CIB4: variants seen among roughly 807,000 people sequenced by gnomAD.
CIB4 encodes calcium and integrin binding family member 4.
In CIB4, 25 loss-of-function variants were observed where a neutral mutation model predicts 25.8. That is an observed-to-expected ratio of 0.97 (90% CI 0.71 to 1.35). The LOEUF (loss-of-function observed/expected upper bound fraction) is 1.35, where lower values mean the gene tolerates loss of function less well. Ranked by LOEUF, CIB4 falls within the 40% of genes most tolerant of loss-of-function variation. The pLI, the probability that CIB4 is intolerant of heterozygous loss-of-function variation, is 0.00. For synonymous variants in CIB4, 75 were observed against 81.4 expected, an observed-to-expected ratio of 0.92 and a Z score of 0.42; for missense variants, 235 against 228.2, an observed-to-expected ratio of 1.03 and a Z score of -0.19.
chr2:26,589,576 C>G (rs1007203592), intron 4 of CIB4, among the ~76,000 whole-genome samples: 1 of 152,188 alleles, frequency 6.6e-6, no homozygotes, highest in Non-Finnish European at 1.5e-5. Flanking sequence ...CCCACCTCAG[C>G]CTCTCAAAGT....
chr2:26,603,541 AT>A (rs1668833337), intron 3 of CIB4, among the ~76,000 whole-genome samples: 1 of 152,216 alleles, frequency 6.6e-6, no homozygotes, highest in East Asian at 1.9e-4. Flanking sequence ...AATATCAATG[AT>A]TTCAGTAACA....
chr2:26,583,749 C>G, intron 5 of CIB4, 40 bp downstream of exon 5: 1 of 1,372,534 alleles, frequency 7.3e-7, no homozygotes, highest in Non-Finnish European at 1.0e-6. Flanking sequence ...TGGCCCCTAT[C>G]CCCGGCCCCA....
intron 3 of CIB4, among the ~76,000 whole-genome samples, chr2:26,596,313 G>A (rs1321885500): frequency 6.6e-6 from 1 of 152,194 alleles, no homozygotes; most frequent in East Asian, 1.9e-4. Context: ...GGGTGAGGAT[G>A]CAGGATGGTA....
chr2:26,638,016 C>T (rs1050458691), intron 2 of CIB4, among the ~76,000 whole-genome samples: 6 of 152,226 alleles, frequency 3.9e-5, no homozygotes, highest in Admixed American at 3.9e-4. Context: ...ACCCCCAGCG[C>T]TGACGCACGC....
chr2:26,630,209 G>A (rs1669390857), intron 2 of CIB4, among the ~76,000 whole-genome samples: 1 of 152,184 alleles, frequency 6.6e-6, no homozygotes, highest in African/African-American at 2.4e-5. Context: ...GGGCGGGAGG[G>A]AGCTCTGCCT....
At chr2:26,589,139 TCTC>T (rs1206495308) in intron 4 of CIB4, among the ~76,000 whole-genome samples, 21 of 123,182 alleles carry the variant, frequency 1.7e-4, no homozygotes, top group African/African-American at 4.1e-4. Context: ...TTCTTCTTCT[TCTC>T]CTTCCCCTTC....
intron 3 of CIB4, among the ~76,000 whole-genome samples, chr2:26,596,426 T>C (rs1430430955): frequency 6.6e-6 from 1 of 152,142 alleles, no homozygotes; most frequent in Admixed American, 6.5e-5. Flanking sequence ...TTGAAATGGT[T>C]CTTTTTTAAA....
At chr2:26,605,691 C>T (rs1255037810) in intron 3 of CIB4, 1 of 340,816 alleles carries the variant, frequency 2.9e-6, no homozygotes, top group Non-Finnish European at 6.0e-6. Flanking sequence ...TGAGCACCTA[C>T]TGTGTGCAGG....
chr2:26,626,183 C>T (rs1460260260), intron 3 of CIB4, among the ~76,000 whole-genome samples: 5 of 152,130 alleles, frequency 3.3e-5, no homozygotes, highest in African/African-American at 1.2e-4. Flanking sequence ...TTGCTTCTCC[C>T]CACTCCAGTC....
chr2:26,588,744 C>T (rs914473085), intron 4 of CIB4, among the ~76,000 whole-genome samples: 5 of 152,178 alleles, frequency 3.3e-5, no homozygotes, highest in Admixed American at 2.0e-4. Context: ...AAAGGTGCTC[C>T]GGTACCTGCC....
At chr2:26,593,987 G>T (rs1473005527) in intron 4 of CIB4, among the ~76,000 whole-genome samples, 2 of 152,170 alleles carry the variant, frequency 1.3e-5, no homozygotes, top group East Asian at 3.8e-4. Flanking sequence ...AAGTCAGAAA[G>T]AATCCAGTGT....
At chr2:26,640,477 A>G in intron 2 of CIB4, 56 bp downstream of exon 2, 1 of 1,575,718 alleles carries the variant, frequency 6.3e-7, no homozygotes, top group Admixed American at 1.7e-5. Context: ...TAGGGCAAGA[A>G]TCCAGCTCAG....
chr2:26,592,685 A>G (rs939920631), intron 4 of CIB4, among the ~76,000 whole-genome samples: 2 of 151,824 alleles, frequency 1.3e-5, no homozygotes, highest in Admixed American at 1.3e-4. Context: ...AGTTATTTCT[A>G]TTGTTCTGTC....
intron 4 of CIB4, among the ~76,000 whole-genome samples, chr2:26,585,581 C>T (rs1033788717): frequency 3.3e-5 from 5 of 152,178 alleles, no homozygotes; most frequent in Admixed American, 3.3e-4. Flanking sequence ...GATGTTTTCG[C>T]TGTGGCCAGG....
chr2:26,581,978 A>G (rs1290964424), intron 6 of CIB4, among the ~76,000 whole-genome samples: 2 of 152,212 alleles, frequency 1.3e-5, no homozygotes, highest in Admixed American at 6.5e-5. Flanking sequence ...GAGGCCGTGC[A>G]TGGTCTTATG....
At chr2:26,613,936 AGGCAGGTGGCTGAAT>A (rs1413538649) in intron 3 of CIB4, among the ~76,000 whole-genome samples, 1 of 152,220 alleles carries the variant, frequency 6.6e-6, no homozygotes, top group African/African-American at 2.4e-5. Context: ...TGACACCGGC[AGGCAGGTGGCTGAAT>A]GCCTCCTCTG....
chr2:26,629,538 G>T, intron 2 of CIB4, 32 bp from the exon 3 acceptor site: 1 of 1,411,302 alleles, frequency 7.1e-7, no homozygotes, highest in East Asian at 2.5e-5. Flanking sequence ...CCGTGTGGCC[G>T]GGGAAAGGAG....
intron 2 of CIB4, among the ~76,000 whole-genome samples, chr2:26,637,562 A>G (rs1244610064): frequency 6.6e-6 from 1 of 151,920 alleles, no homozygotes; most frequent in African/African-American, 2.4e-5. Context: ...TACCTTGGAG[A>G]TGGCTCTATA....
At chr2:26,585,730 G>T (rs1256330302) in intron 4 of CIB4, among the ~76,000 whole-genome samples, 2 of 151,880 alleles carry the variant, frequency 1.3e-5, no homozygotes, top group African/African-American at 4.8e-5. Flanking sequence ...TCACCTATAG[G>T]CTAATGAATG....
Sources: allele counts gnomAD v4.1 joint callset (sites outside exome capture counted in the v4.1 genomes callset), GRCh38; gene constraint gnomAD v4.1.1; transcripts MANE v1.5; gene names NCBI Gene and HGNC (gene_info 2026-07-23, HGNC 2026-07-21).